ESRRG: variants seen among roughly 807,000 people sequenced by gnomAD.
The protein encoded by ESRRG is estrogen related receptor gamma, also known as estrogen-related receptor gamma.
A neutral mutation model predicts 44.0 loss-of-function variants in ESRRG; 13 were observed. The ratio of observed to expected loss-of-function variants is 0.30; its 90% CI spans 0.19 to 0.47. The LOEUF is 0.47. ESRRG is among the 20% of genes least tolerant of loss of function. The pLI is 1.00. For synonymous variants in ESRRG, 215 were observed against 214.6 expected (o/e 1.00, Z -0.02); for missense variants, 395 against 580.6 (o/e 0.68, Z 3.29).
chr1:216,937,781 C>T (rs896275045), intron 2 of ESRRG, among the ~76,000 whole-genome samples: 1 of 152,110 alleles, frequency 6.6e-6, no homozygotes, highest in Non-Finnish European at 1.5e-5. Flanking sequence ...GATTCCTGCC[C>T]AGTCTGAGTT....
intron 1 of ESRRG, among the ~76,000 whole-genome samples, chr1:216,966,937 C>T (rs1421588749): frequency 1.3e-5 from 2 of 152,110 alleles, no homozygotes; most frequent in Non-Finnish European, 2.9e-5. Context: ...TTCTGGCTGG[C>T]CCTACTTGCA....
chr1:217,091,736 G>A (rs144093517), upstream of ESRRG, among the ~76,000 whole-genome samples: 342 of 152,314 alleles, frequency 2.2e-3, 1 homozygote, highest in African/African-American at 7.8e-3. Context: ...CAGAGGCATA[G>A]ATGTTTCCAA....
chr1:216,857,307 A>G (rs1248894225), intron 2 of ESRRG, among the ~76,000 whole-genome samples: 7 of 151,876 alleles, frequency 4.6e-5, no homozygotes, highest in Admixed American at 3.3e-4. Context: ...CCGAACTGAT[A>G]GAAAACAATT....
chr1:216,818,808 G>A (rs781764528), intron 2 of ESRRG, among the ~76,000 whole-genome samples: 6 of 151,872 alleles, frequency 4.0e-5, no homozygotes, highest in African/African-American at 9.7e-5. Flanking sequence ...TTGTTCCCCC[G>A]ATGTGTCCAT....
At chr1:216,512,902 C>T (rs985879533) in intron 6 of ESRRG, among the ~76,000 whole-genome samples, 18 of 152,098 alleles carry the variant, frequency 1.2e-4, no homozygotes, top group Non-Finnish European at 2.2e-4. Flanking sequence ...AGGCAAAATG[C>T]TACTGCTGGC....
chr1:216,867,172 G>A (rs553651853), intron 2 of ESRRG, among the ~76,000 whole-genome samples: 35 of 152,252 alleles, frequency 2.3e-4, no homozygotes, highest in Non-Finnish European at 3.1e-4. Flanking sequence ...ATGCATATGG[G>A]AAAACTGAGG....
At position 216,575,023 on chromosome 1, in the gene ESRRG, G is replaced by T. The variant is rs11572759; in HGVS notation, c.590-6925C>A. 4.1e-3 allele frequency among the ~76,000 whole-genome samples: 625 copies of T among 152,154 alleles called. 8 individuals carry two copies. Among genetic ancestry groups the T allele is most frequent in the African/African-American group, 0.015 (605 of 41,516 alleles). The stretch of plus-strand genomic sequence containing the variant: ...AGAGAAAACACCCCTTAGAAGAGCG[G>T]CAGGAAAAGAAGCAAAGGCAGATTA... On this transcript the variant is annotated intron_variant, in intron 3 of 6. Coordinates refer to ENST00000408911, the MANE Select transcript of ESRRG (RefSeq NM_001438.4).
chr1:216,681,097 T>C (rs149084493), intron 1 of ESRRG, among the ~76,000 whole-genome samples: 54 of 152,264 alleles, frequency 3.5e-4, no homozygotes, highest in Admixed American at 3.3e-3. Context: ...TGTGTCGAAA[T>C]ATGTGGGAAA....
chr1:216,584,736 A>T (rs1304840012), intron 3 of ESRRG, among the ~76,000 whole-genome samples: 2 of 152,244 alleles, frequency 1.3e-5, no homozygotes, highest in Non-Finnish European at 2.9e-5. Flanking sequence ...CTTGCTACTT[A>T]TAAAATCAAG....
rs540531158 is a variant in ESRRG at position 216,902,478 on chromosome 1, G to A, written c.-14+37104C>T. On this transcript the variant is annotated intron_variant, in intron 2 of 7. Coordinates refer to the ESRRG transcript ENST00000359162. ...ACTCCAGCCTAGGCAACAGAGTCTC[G>A]AAAAAAAAGAAAAAAAAAAAAGGAA... Among the ~76,000 whole-genome samples, 294 of 139,536 alleles carry A rather than the reference G, an allele frequency of 2.1e-3. 3 individuals are homozygous for A. The highest frequency in any genetic ancestry group is 7.4e-3 in the African/African-American group (276 of 37,506). The allele number at this position is 139,536 out of a possible 152,430, so 91.5% of individuals were successfully genotyped here. A position where few individuals can be genotyped will look rare whatever the true frequency, so the allele number is the denominator to read the frequency against.
chr1:216,879,002 G>A (rs1027539798), intron 2 of ESRRG, among the ~76,000 whole-genome samples: 5 of 152,140 alleles, frequency 3.3e-5, no homozygotes, highest in South Asian at 2.1e-4. Flanking sequence ...TATGTAGATG[G>A]ACAAAAAAGC....
chr1:216,514,696 C>T (rs989515566), intron 6 of ESRRG, among the ~76,000 whole-genome samples: 4 of 152,000 alleles, frequency 2.6e-5, no homozygotes, highest in South Asian at 2.1e-4. Flanking sequence ...GACAGAAGGT[C>T]CCACCTTCTG....
At chr1:216,759,520 C>G (rs554918213) in intron 2 of ESRRG, among the ~76,000 whole-genome samples, 1 of 152,028 alleles carries the variant, frequency 6.6e-6, no homozygotes, top group Admixed American at 6.6e-5. Context: ...TTTTTAAAAC[C>G]CTTTTGTTGT....
chr1:216,863,303 T>C (rs778834509), intron 2 of ESRRG: 2 of 152,160 alleles, frequency 1.3e-5, no homozygotes, highest in African/African-American at 4.8e-5. Flanking sequence ...ATTTAGAAAA[T>C]AGAGAAATTA....
At chr1:217,121,152 T>A (rs905878456) in intron 1 of ESRRG, among the ~76,000 whole-genome samples, 8 of 142,988 alleles carry the variant, frequency 5.6e-5, no homozygotes, top group East Asian at 2.1e-4. Flanking sequence ...ACACACACAC[T>A]CATTTATCAG....
At chr1:217,029,322 A>G (rs977779076) in intron 1 of ESRRG, among the ~76,000 whole-genome samples, 2 of 151,992 alleles carry the variant, frequency 1.3e-5, no homozygotes, top group Non-Finnish European at 2.9e-5. Context: ...TCCTTTTTTT[A>G]TACTCACTAG....
At chr1:216,780,643 G>A (rs1342255476) in intron 2 of ESRRG, among the ~76,000 whole-genome samples, 2 of 151,986 alleles carry the variant, frequency 1.3e-5, no homozygotes, top group Non-Finnish European at 2.9e-5. Context: ...TTTGGTTCCA[G>A]ATGATTCTCC....
intron 5 of ESRRG, among the ~76,000 whole-genome samples, chr1:216,526,320 T>A (rs973629913): frequency 6.6e-6 from 1 of 151,984 alleles, no homozygotes; most frequent in African/African-American, 2.4e-5. Flanking sequence ...ATGAGGTCAT[T>A]AAAGTGGGCC....
intron 3 of ESRRG, among the ~76,000 whole-genome samples, chr1:216,627,909 G>T (rs114404528): frequency 1.2e-3 from 181 of 152,182 alleles, no homozygotes; most frequent in African/African-American, 4.0e-3. Flanking sequence ...AGTATGCAAG[G>T]TATACTTGGA....
Sources: gnomAD v4.1 joint callset for allele counts (sites outside exome capture counted in the v4.1 genomes callset) on GRCh38, gnomAD v4.1.1 for gene constraint, MANE v1.5 for transcripts, NCBI Gene and HGNC (gene_info 2026-07-23, HGNC 2026-07-21) for gene names.